Variants in SLC24A2 observed in about 807,000 individuals in gnomAD.
SLC24A2 encodes solute carrier family 24 member 2.
SLC24A2 carries 36 observed loss-of-function variants against 62.0 expected under a neutral mutation model. The observed-to-expected ratio is 0.58, with a 90% confidence interval of 0.44 to 0.77. SLC24A2 has a LOEUF of 0.77. Among genes scored for constraint, SLC24A2 ranks in the 30% least tolerant of loss-of-function variants. The probability of loss-of-function intolerance (pLI) is 0.00; values close to 1 mark genes in which losing one functional copy is unlikely to be tolerated. For missense variants in SLC24A2, 846 were observed against 817.9 expected (o/e 1.03, Z -0.42); for synonymous variants, 358 against 294.0 (o/e 1.22, Z -2.23).
chr9:20,227,971 T>C, the SLC24A2 span, among the ~76,000 whole-genome samples: 3 of 152,188 alleles, frequency 2.0e-5, no homozygotes, highest in South Asian at 2.1e-4. Context: ...CTGGACTCTC[T>C]TCCCTCCAGA....
At chr9:19,740,196 G>A (rs1015342767) in intron 2 of SLC24A2, among the ~76,000 whole-genome samples, 6 of 152,104 alleles carry the variant, frequency 3.9e-5, no homozygotes, top group African/African-American at 1.2e-4. Context: ...GAATATATAC[G>A]TATCCTAAGA....
chr9:20,125,138 A>T, the SLC24A2 span, among the ~76,000 whole-genome samples: 3 of 152,210 alleles, frequency 2.0e-5, no homozygotes, highest in Non-Finnish European at 4.4e-5. Flanking sequence ...AAAGATTAGT[A>T]CAAGGTGCTG....
the SLC24A2 span, among the ~76,000 whole-genome samples, chr9:20,246,166 T>C: frequency 1.3e-5 from 2 of 152,198 alleles, no homozygotes; most frequent in African/African-American, 2.4e-5. Flanking sequence ...CAGAGAAAGA[T>C]GCACTCATTC....
chr9:19,962,259 T>C, the SLC24A2 span, among the ~76,000 whole-genome samples: 2,161 of 152,354 alleles, frequency 0.014, 48 homozygotes, highest in African/African-American at 0.049. Context: ...CTGTTTTGGT[T>C]ACTGTAGCCT....
intron 2 of SLC24A2, among the ~76,000 whole-genome samples, chr9:19,679,155 G>A (rs1221738713): frequency 6.6e-6 from 1 of 152,174 alleles, no homozygotes; most frequent in African/African-American, 2.4e-5. Flanking sequence ...AGGCCAGCTT[G>A]TGGCAGGTTT....
rs79351387 is a variant in SLC24A2, at chr9:19,509,610, T to C, written c.*6543A>G. 1 of 152,246 alleles carries C rather than the reference T, an allele frequency of 6.6e-6. No homozygotes were observed. The allele number at this position is 152,246 out of a possible 1,614,324, so 9.4% of individuals were successfully genotyped here. ...TCCTTCAGTTTTATTCTGATAAGAATTGGGGATTTGTTTAATTAAATGGCA... is the reference window on the plus strand; with the variant it reads ...TCCTTCAGTTTTATTCTGATAAGAACTGGGGATTTGTTTAATTAAATGGCA... On this transcript the variant is annotated 3_prime_UTR_variant, in exon 11 of 11. Coordinates refer to ENST00000341998, the MANE Select transcript of SLC24A2 (RefSeq NM_020344.4).
At chr9:19,567,685 A>G (rs1361834181) in intron 7 of SLC24A2, among the ~76,000 whole-genome samples, 2 of 111,666 alleles carry the variant, frequency 1.8e-5, no homozygotes, top group African/African-American at 6.6e-5. Flanking sequence ...AATTTTTAAA[A>G]TAACCAAAAA....
the SLC24A2 span, among the ~76,000 whole-genome samples, chr9:20,177,515 G>T: frequency 2.0e-5 from 3 of 152,200 alleles, no homozygotes; most frequent in East Asian, 3.9e-4. Flanking sequence ...TTAGGTAGAG[G>T]TGTTGACCCC....
chr9:19,587,298 G>T (rs145205028), intron 5 of SLC24A2, among the ~76,000 whole-genome samples: 114 of 152,222 alleles, frequency 7.5e-4, no homozygotes, highest in Non-Finnish European at 1.3e-3. Flanking sequence ...TTATTTTATT[G>T]TAAAGTGGAA....
At chr9:20,208,168 T>G in the SLC24A2 span, among the ~76,000 whole-genome samples, 2 of 152,202 alleles carry the variant, frequency 1.3e-5, no homozygotes, top group African/African-American at 2.4e-5. Flanking sequence ...AGGAAATGTG[T>G]GCAGGTGGGT....
the SLC24A2 span, among the ~76,000 whole-genome samples, chr9:20,209,210 C>T: frequency 6.6e-6 from 1 of 152,204 alleles, no homozygotes. Context: ...ATCAGTCAGG[C>T]TTCAAGACCA....
At chr9:19,721,303 G>A (rs923281899) in intron 2 of SLC24A2, among the ~76,000 whole-genome samples, 1 of 152,084 alleles carries the variant, frequency 6.6e-6, no homozygotes, top group Non-Finnish European at 1.5e-5. Flanking sequence ...ATTTCAGCTG[G>A]ATTTCAGTTA....
chr9:20,241,637 T>C, the SLC24A2 span, among the ~76,000 whole-genome samples: 1 of 152,048 alleles, frequency 6.6e-6, no homozygotes, highest in Non-Finnish European at 1.5e-5. Context: ...CTCAAGAAGC[T>C]TACAGCCTTG....
the SLC24A2 span, among the ~76,000 whole-genome samples, chr9:20,215,409 G>C: frequency 1.3e-5 from 2 of 151,802 alleles, no homozygotes; most frequent in Admixed American, 6.6e-5. Context: ...TTCTTTCAAT[G>C]GGTAGAATGA....
the SLC24A2 span, among the ~76,000 whole-genome samples, chr9:19,806,177 A>G: frequency 0.022 from 3,299 of 152,260 alleles, 60 homozygotes; most frequent in Non-Finnish European, 0.032. Flanking sequence ...ATTTAAAGCT[A>G]TAAGGGGTAG....
At chr9:19,970,989 C>T in the SLC24A2 span, among the ~76,000 whole-genome samples, 1 of 152,192 alleles carries the variant, frequency 6.6e-6, no homozygotes, top group Non-Finnish European at 1.5e-5. Flanking sequence ...TGCTATCCCA[C>T]TCCTATTCTG....
intron 9 of SLC24A2, among the ~76,000 whole-genome samples, chr9:19,525,251 G>C (rs534866993): frequency 2.0e-5 from 3 of 152,082 alleles, no homozygotes; most frequent in African/African-American, 7.2e-5. Context: ...ATAAGACAGT[G>C]TATCAGCCAA....
At chr9:19,521,715 T>C (rs1405175773) in intron 9 of SLC24A2, among the ~76,000 whole-genome samples, 1 of 152,210 alleles carries the variant, frequency 6.6e-6, no homozygotes, top group African/African-American at 2.4e-5. Context: ...TTATATGTCA[T>C]TGATCCTCAC....
chr9:19,636,320 T>TC (rs1380164264), intron 2 of SLC24A2, among the ~76,000 whole-genome samples: 1 of 21,358 alleles, frequency 4.7e-5, no homozygotes, highest in Non-Finnish European at 1.1e-4. Flanking sequence ...TTTTCTTTTC[T>TC]TTCTTTCTTT....
Sources: gnomAD v4.1 joint callset for allele counts (sites outside exome capture counted in the v4.1 genomes callset) on GRCh38, gnomAD v4.1.1 for gene constraint, MANE v1.5 for transcripts, NCBI Gene and HGNC (gene_info 2026-07-23, HGNC 2026-07-21) for gene names.